DNM3: variants seen among roughly 807,000 people sequenced by gnomAD.
DNM3 encodes the protein dynamin-3.
DNM3 carries 47 observed loss-of-function variants against 101.6 expected under a neutral mutation model. The ratio of observed to expected loss-of-function variants is 0.46; its 90% confidence interval spans 0.37 to 0.59. The LOEUF (loss-of-function observed/expected upper bound fraction) is 0.59, where lower values mean the gene tolerates loss of function less well. DNM3 is among the 20% of genes least tolerant of loss of function. DNM3 has a pLI of 0.00. For synonymous variants in DNM3, 385 were observed against 387.9 expected, an observed-to-expected ratio of 0.99 and a Z score of 0.09; for missense variants, 849 against 1,085.7, an observed-to-expected ratio of 0.78 and a Z score of 3.06.
At chr1:172,074,535 C>G (rs1455713612) in intron 11 of DNM3, among the ~76,000 whole-genome samples, 1 of 151,856 alleles carries the variant, frequency 6.6e-6, no homozygotes, top group East Asian at 1.9e-4. Context: ...TCTCATTGTT[C>G]AACTCCCACT....
rs2071243190 is a variant in DNM3 at position 172,412,102 on chromosome 1, A to G, written c.*4261A>G. On this transcript the variant is annotated 3_prime_UTR_variant, in exon 21 of 21. Transcript: ENST00000627582. ...ATGTGTGTATGTGTGAGAGCAAGAG[A>G]GAGGAAACTCAAAGAGGAGTGTTTG... 1.0e-6 allele frequency: 1 copy of G among 985,552 alleles called. No individual in the cohort carries two copies. Among genetic ancestry groups the G allele is most frequent in the Non-Finnish European group, 1.2e-6 (1 of 829,816 alleles). The allele number at this position is 985,552 out of a possible 1,614,324, so 61.1% of individuals were successfully genotyped here. A position where few individuals can be genotyped will look rare whatever the true frequency, so the allele number is the denominator to read the frequency against.
intron 13 of DNM3, among the ~76,000 whole-genome samples, chr1:172,109,746 C>T (rs1039434568): frequency 6.6e-6 from 1 of 152,162 alleles, no homozygotes; most frequent in Non-Finnish European, 1.5e-5. Context: ...ATGCCTGTTA[C>T]TTATATGTTC....
intron 17 of DNM3, among the ~76,000 whole-genome samples, chr1:172,353,005 A>G (rs752763822): frequency 1.3e-5 from 2 of 151,910 alleles, no homozygotes; most frequent in Non-Finnish European, 2.9e-5. Flanking sequence ...GACCTCTGAG[A>G]TTACTCTTCT....
intron 13 of DNM3, among the ~76,000 whole-genome samples, chr1:172,107,082 G>C (rs975693799): frequency 8.0e-5 from 12 of 149,510 alleles, no homozygotes; most frequent in Non-Finnish European, 1.5e-4. Flanking sequence ...GGATGGTCTC[G>C]ATCTCCTGAC....
At chr1:172,120,704 C>G (rs116917533) in intron 13 of DNM3, among the ~76,000 whole-genome samples, 1 of 152,162 alleles carries the variant, frequency 6.6e-6, no homozygotes, top group Non-Finnish European at 1.5e-5. Flanking sequence ...TTCTTATACC[C>G]GGTGCAGGTG....
intron 14 of DNM3, among the ~76,000 whole-genome samples, chr1:172,191,853 TG>T (rs1169482038): frequency 6.6e-6 from 1 of 152,218 alleles, no homozygotes; most frequent in African/African-American, 2.4e-5. Context: ...TTGTGGTTTT[TG>T]CACGTTGATT....
intron 17 of DNM3, among the ~76,000 whole-genome samples, chr1:172,373,063 A>T (rs1259687993): frequency 6.6e-6 from 1 of 152,056 alleles, no homozygotes; most frequent in African/African-American, 2.4e-5. Flanking sequence ...CATTATGTCT[A>T]TTCTAAAAGT....
At chr1:172,289,495 G>A in intron 15 of DNM3, 1 of 875,024 alleles carries the variant, frequency 1.1e-6, no homozygotes, top group Non-Finnish European at 1.4e-6. Flanking sequence ...TTATATTACA[G>A]AATTCTGTTT....
chr1:172,001,302 G>A (rs769830741), intron 4 of DNM3, among the ~76,000 whole-genome samples: 1 of 151,956 alleles, frequency 6.6e-6, no homozygotes, highest in African/African-American at 2.4e-5. Context: ...TGCTGCTCAA[G>A]GTGCCTAGCA....
At chr1:172,183,897 T>TA (rs2059434646) in intron 14 of DNM3, among the ~76,000 whole-genome samples, 1 of 143,358 alleles carries the variant, frequency 7.0e-6, no homozygotes, top group Non-Finnish European at 1.5e-5. Context: ...CATGAGCCAA[T>TA]ACACCTGGCT....
intron 11 of DNM3, among the ~76,000 whole-genome samples, chr1:172,070,596 T>C (rs2052084446): frequency 6.6e-6 from 1 of 152,174 alleles, no homozygotes; most frequent in Admixed American, 6.5e-5. Flanking sequence ...TAAAATGGCA[T>C]GTTCAAACTT....
chr1:171,862,023 T>G (rs2034226790), intron 1 of DNM3, among the ~76,000 whole-genome samples: 1 of 152,092 alleles, frequency 6.6e-6, no homozygotes, highest in African/African-American at 2.4e-5. Context: ...TAAAATACAA[T>G]GATATGCCAC....
downstream of DNM3, among the ~76,000 whole-genome samples, chr1:172,414,674 TCAGGAGGCTGAGG>T (rs2071363325): frequency 6.6e-6 from 1 of 151,226 alleles, no homozygotes; most frequent in African/African-American, 2.4e-5. Context: ...AATGTACTAC[TCAGGAGGCTGAGG>T]CAGGAGGATC....
intron 2 of DNM3, among the ~76,000 whole-genome samples, chr1:171,966,595 G>A (rs1009496499): frequency 6.6e-6 from 1 of 152,180 alleles, no homozygotes; most frequent in African/African-American, 2.4e-5. Flanking sequence ...AAGTGGGAAG[G>A]TGCAGGTTGG....
At chr1:172,290,627 T>C (rs1016986126) in intron 15 of DNM3, among the ~76,000 whole-genome samples, 3 of 152,054 alleles carry the variant, frequency 2.0e-5, no homozygotes, top group Non-Finnish European at 4.4e-5. Context: ...TGTGGCTTCT[T>C]TGTGGCGAGT....
intron 1 of DNM3, among the ~76,000 whole-genome samples, chr1:171,850,866 A>G (rs1449991317): frequency 6.6e-6 from 1 of 151,922 alleles, no homozygotes; most frequent in Non-Finnish European, 1.5e-5. Flanking sequence ...AGAAGGAGGA[A>G]GCAATGCTTT....
intron 17 of DNM3, among the ~76,000 whole-genome samples, chr1:172,326,341 T>C (rs923046764): frequency 6.6e-6 from 1 of 152,158 alleles, no homozygotes; most frequent in East Asian, 1.9e-4. Context: ...AGAGTCTATC[T>C]CCTCCTAAGA....
chr1:172,154,053 A>C (rs16843930), intron 14 of DNM3, among the ~76,000 whole-genome samples: 17 of 152,180 alleles, frequency 1.1e-4, no homozygotes, highest in African/African-American at 4.1e-4. Flanking sequence ...GATTCTTCTT[A>C]AACTGTCGTT....
At chr1:172,296,609 G>A (rs2064174416) in intron 15 of DNM3, among the ~76,000 whole-genome samples, 1 of 152,048 alleles carries the variant, frequency 6.6e-6, no homozygotes, top group Non-Finnish European at 1.5e-5. Flanking sequence ...ATTAGCAGGT[G>A]ACCTTCTTTT....
Sources: allele counts gnomAD v4.1 joint callset (sites outside exome capture counted in the v4.1 genomes callset), GRCh38; gene constraint gnomAD v4.1.1; transcripts MANE v1.5; gene names NCBI Gene and HGNC (gene_info 2026-07-23, HGNC 2026-07-21).